Variants in USB1 observed in about 807,000 individuals in gnomAD.
USB1 encodes the protein U6 snRNA biogenesis phosphodiesterase 1.
In USB1, 21 loss-of-function variants were observed where a neutral mutation model predicts 29.9. The ratio of observed to expected loss-of-function variants is 0.70; its 90% CI spans 0.50 to 1.01. USB1 has a LOEUF of 1.01. USB1 is among the 50% of genes least tolerant of loss of function. The pLI is 0.00. For missense variants in USB1, 330 were observed against 347.1 expected, an observed-to-expected ratio of 0.95 and a Z score of 0.39; for synonymous variants, 143 against 134.9, an observed-to-expected ratio of 1.06 and a Z score of -0.42.
At position 58,018,835 on chromosome 16, in the gene USB1, C is replaced by T. The variant is rs1216831027; in HGVS notation, c.610-137C>T. 7.2e-6 allele frequency: 6 copies of T among 828,364 alleles called. No individual in the cohort carries two copies. In the Admixed American group the frequency reaches 1.2e-4, roughly 17 times the overall value. 51.3% of individuals were successfully genotyped at this position (828,364 alleles called of 1,614,324 possible). On this transcript the variant is annotated intron_variant, in intron 5 of 6. Transcript: ENST00000219281. ...GTCTGTGGAGGGTGCTTGGGATCAA[C>T]ACTGAGTATCTTGTCTCCCACTGGG...
In USB1 at chr16:58,001,431, G is replaced by T. The variant is rs555381360; in HGVS notation, c.-53G>T. The T allele has an allele frequency of 3.1e-5, 48 of 1,555,028 alleles. No homozygotes were observed. The Middle Eastern group carries it at 5.4e-4, about 18-fold the overall frequency. On this transcript the variant is annotated 5_prime_UTR_variant, in exon 1 of 7. Coordinates refer to ENST00000219281, the MANE Select transcript of USB1 (RefSeq NM_024598.4). Reference sequence around the variant, plus strand: ...CGCTTCCGGCACAGCGGAACTCCGGGTGCCGGTTGAGGTTGCTGGTGGACC... The same window carrying T: ...CGCTTCCGGCACAGCGGAACTCCGGTTGCCGGTTGAGGTTGCTGGTGGACC...
rs903994273 is a variant in USB1, at chr16:58,013,541, C to G, written c.450-732C>G. On this transcript the variant is annotated intron_variant, in intron 3 of 6. Coordinates refer to ENST00000219281, the MANE Select transcript of USB1 (RefSeq NM_024598.4). The surrounding 1 kb of genome is among the most constrained non-coding windows in gnomAD (Gnocchi z 4.3). The stretch of plus-strand genomic sequence containing the variant: ...GTGTCTCAGAGAATAAAGGACAGAA[C>G]CAGTCCAAGTCAAAGCACTTACCTA... 1.1e-5 allele frequency: 11 copies of G among 976,954 alleles called. No individual in the cohort carries two copies. The highest frequency in any genetic ancestry group is 1.8e-5 in the African/African-American group (1 of 54,232). The allele number at this position is 976,954 out of a possible 1,614,324, so 60.5% of individuals were successfully genotyped here. A position where few individuals can be genotyped will look rare whatever the true frequency, so the allele number is the denominator to read the frequency against.
chr16:58,012,157 C>T (rs1963510931), intron 3 of USB1: 5 of 1,427,590 alleles, frequency 3.5e-6, no homozygotes, highest in Non-Finnish European at 4.6e-6. Context: ...GTTAGCTGAA[C>T]CCCTTCTGAG....
intron 2 of USB1, among the ~76,000 whole-genome samples, chr16:58,005,990 T>C (rs562980708): frequency 6.6e-6 from 1 of 152,330 alleles, no homozygotes; most frequent in South Asian, 2.1e-4. Flanking sequence ...TGCTATATCA[T>C]TTATTACTTC....
chr16:58,001,393 G>A (rs1232101659), upstream of USB1: 8 of 1,475,468 alleles, frequency 5.4e-6, no homozygotes, highest in Middle Eastern at 2.2e-4. Context: ...CCCAGGCCCC[G>A]CCCCTGGGAG....
At chr16:58,017,232 G>A (rs1221835844) in intron 4 of USB1, 102 bp from the exon 5 acceptor site, 26 of 1,022,520 alleles carry the variant, frequency 2.5e-5, no homozygotes, top group East Asian at 1.9e-4. Flanking sequence ...TGAGACCCAC[G>A]GCCCAGGCCT....
chr16:58,020,589 CCT>C lies in USB1; in HGVS notation c.*351_*352del, dbSNP rs747734953. On this transcript the variant is annotated 3_prime_UTR_variant, in exon 7 of 7. Transcript: ENST00000219281. ...CTCTTCCTCTCCTCTCTCTTCCTCT[CCT>C]CTCTCTACCCCTCCTGTCTCTCCTC... 2.9e-4 allele frequency: 105 copies of C among 358,592 alleles called. No homozygotes were observed. The highest frequency in any genetic ancestry group is 9.4e-4 in the South Asian group (41 of 43,476). 22.2% of individuals were successfully genotyped at this position (358,592 alleles called of 1,614,324 possible).
At chr16:58,010,956 G>A in intron 3 of USB1, 4 of 700,306 alleles carry the variant, frequency 5.7e-6, no homozygotes, top group South Asian at 4.4e-5. Context: ...CATACCGGGA[G>A]GGTAGGGGGT....
chr16:58,000,996 A>G (rs1432938456), upstream of USB1, among the ~76,000 whole-genome samples: 1 of 151,980 alleles, frequency 6.6e-6, no homozygotes, highest in Non-Finnish European at 1.5e-5. The surrounding 1 kb of genome is among the most constrained non-coding windows in gnomAD (Gnocchi z 4.5). Context: ...GTCTGCCACA[A>G]TTGATCCGCC....
chr16:58,009,380 G>A (rs1424381174), intron 2 of USB1, among the ~76,000 whole-genome samples: 1 of 152,146 alleles, frequency 6.6e-6, no homozygotes, highest in African/African-American at 2.4e-5. Flanking sequence ...ACACTTTCAG[G>A]TTAGGCTGTA....
chr16:58,017,584 A>C (rs1963646455), intron 5 of USB1, 145 bp downstream of exon 5: 1 of 769,698 alleles, frequency 1.3e-6, no homozygotes, highest in South Asian at 1.5e-5. Flanking sequence ...CTGAGGATGC[A>C]CACCTCGGGG....
chr16:58,007,783 A>C (rs1276644522), intron 2 of USB1, among the ~76,000 whole-genome samples: 1 of 152,100 alleles, frequency 6.6e-6, no homozygotes, highest in African/African-American at 2.4e-5. Flanking sequence ...GTTTGAGACC[A>C]GCCTGGGCAA....
In USB1 at chr16:58,020,545, CTG is replaced by C. The variant is rs754995890; in HGVS notation, c.*302_*303del. On this transcript the variant is annotated 3_prime_UTR_variant, in exon 7 of 7. Transcript: ENST00000219281. Reference sequence around the variant, plus strand: ...TCTTCCTCTTCTCTCTCTTCCCCTCCTGTCTCTCCTCCCCTCCTCTCTTCCTC... The same window carrying C: ...TCTTCCTCTTCTCTCTCTTCCCCTCCTCTCTCCTCCCCTCCTCTCTTCCTC... The C allele has an allele frequency of 0.018, 6,270 of 354,702 alleles. 96 individuals carry two copies. The highest frequency in any genetic ancestry group is 0.024 in the Non-Finnish European group (4,918 of 204,400). The allele number at this position is 354,702 out of a possible 1,614,324, so 22.0% of individuals were successfully genotyped here. A position where few individuals can be genotyped will look rare whatever the true frequency, so the allele number is the denominator to read the frequency against.
At chr16:58,001,195 G>T (rs547235317), upstream of USB1, among the ~76,000 whole-genome samples, 92 of 152,216 alleles carry the variant, frequency 6.0e-4, no homozygotes, top group African/African-American at 2.1e-3. Flanking sequence ...GGGCAGAAAG[G>T]TGAGGGCCCT....
Position 58,004,824 on chromosome 16 carries a change from A to G in USB1, c.265+2179A>G, listed in dbSNP as rs576991147. On this transcript the variant is annotated intron_variant, in intron 2 of 6. Coordinates refer to ENST00000219281, the MANE Select transcript of USB1 (RefSeq NM_024598.4). The stretch of plus-strand genomic sequence containing the variant: ...GAGAGATTGTAGAAATAAAGACACA[A>G]GACAAAGAGATAAGAGAAAAGACAG... Among the ~76,000 whole-genome samples the G allele has an allele frequency of 3.3e-5, 5 of 152,308 alleles. No homozygotes were observed. In the East Asian group the frequency reaches 7.7e-4, roughly 24 times the overall value.
At position 58,013,367 on chromosome 16, in the gene USB1, G is replaced by T. The variant is rs750048875; in HGVS notation, c.450-906G>T. 1.3e-5 allele frequency: 13 copies of T among 985,392 alleles called. No individual in the cohort carries two copies. The highest frequency in any genetic ancestry group is 1.4e-5 in the Non-Finnish European group (12 of 830,000). 61.0% of individuals were successfully genotyped at this position (985,392 alleles called of 1,614,324 possible). A position where few individuals can be genotyped will look rare whatever the true frequency, so the allele number is the denominator to read the frequency against. On this transcript the variant is annotated intron_variant, in intron 3 of 6. Coordinates refer to ENST00000219281, the MANE Select transcript of USB1 (RefSeq NM_024598.4). This position sits in a 1 kb window ranked among gnomAD's most constrained non-coding sequence, Gnocchi z 4.3. ...ACATTTTCTCCAGAGGCAGAGAGTT[G>T]GCTGACTGACTTTTGCCCTTGGGCA...
rs201823378 is a variant in USB1, at chr16:58,010,126, C to T, written c.449+14C>T. 47 of 1,613,820 alleles carry T rather than the reference C, an allele frequency of 2.9e-5. No homozygotes were observed. The highest frequency in any genetic ancestry group is 4.0e-5 in the African/African-American group (3 of 74,900). On this transcript the variant is annotated intron_variant, in intron 3 of 6. Coordinates refer to ENST00000219281, the MANE Select transcript of USB1 (RefSeq NM_024598.4). The stretch of plus-strand genomic sequence containing the variant: ...CTCCTTCCACAGGTGAGTGCTTCTT[C>T]CCTCTGCCTCTCCACTCCCTCCCCT...
Position 58,016,842 on chromosome 16 carries a change from T to C in USB1, c.504-492T>C, listed in dbSNP as rs150037160. The C allele has an allele frequency of 1.3e-3, 235 of 183,422 alleles. 2 individuals are homozygous for C. Among genetic ancestry groups the C allele is most frequent in the South Asian group, 9.9e-3 (88 of 8,874 alleles). 11.4% of individuals were successfully genotyped at this position (183,422 alleles called of 1,614,324 possible). A position where few individuals can be genotyped will look rare whatever the true frequency, so the allele number is the denominator to read the frequency against. On this transcript the variant is annotated intron_variant, in intron 4 of 6. Transcript: ENST00000219281. The stretch of plus-strand genomic sequence containing the variant: ...ATAGTGATGGTGGACAAATGGTCTT[T>C]TTGAGAAGTTTCACTGAGAATGGGA...
chr16:58,001,540 G>C lies in USB1; in HGVS notation c.57G>C (p.Glu19Asp). ...YSSSGSEDES[E>D]DGMRTRPGDG... ...GCAGCGGCTCCGAGGATGAGTCCGA[G>C]GACGGGATGCGGACCAGGCCGGGGG... Residue 19 changes from glutamate to aspartate, a missense_variant, in exon 1 of 7, where the codon GAG becomes GAC. Coordinates refer to ENST00000219281, the MANE Select transcript of USB1 (RefSeq NM_024598.4). The C allele has an allele frequency of 1.2e-6, 2 of 1,609,824 alleles. No individual in the cohort carries two copies. Among genetic ancestry groups the C allele is most frequent in the East Asian group, 4.5e-5 (2 of 44,748 alleles).
Sources: gnomAD v4.1 joint callset for allele counts (sites outside exome capture counted in the v4.1 genomes callset) on GRCh38, gnomAD v4.1.1 for gene constraint, Gnocchi (gnomAD v3.1) non-coding constraint, MANE v1.5 for transcripts, NCBI Gene and HGNC (gene_info 2026-07-23, HGNC 2026-07-21) for gene names.